The following ZNF892 variants were observed in gnomAD, a reference collection of about 807,000 sequenced individuals.
ZNF892 encodes zinc finger protein 570-like.
chr2:95,246,068 G>C, the ZNF892 span, among the ~76,000 whole-genome samples: 1,705 of 152,192 alleles, frequency 0.011, 17 homozygotes, highest in Non-Finnish European at 0.018. Flanking sequence ...AACAAAAAAA[G>C]AAATTTCAAG....
chr2:95,256,007 C>T, the ZNF892 span, among the ~76,000 whole-genome samples: 38 of 152,166 alleles, frequency 2.5e-4, no homozygotes, highest in Non-Finnish European at 2.8e-4. Flanking sequence ...GAATACAGCA[C>T]GCTGATGGGT....
At chr2:95,243,507 G>A in the ZNF892 span, among the ~76,000 whole-genome samples, 5 of 150,374 alleles carry the variant, frequency 3.3e-5, no homozygotes, top group Admixed American at 6.6e-5. Flanking sequence ...CTGCCGCCCC[G>A]TCCGGGATGT....
At chr2:95,225,916 A>C in the ZNF892 span, among the ~76,000 whole-genome samples, 2 of 152,216 alleles carry the variant, frequency 1.3e-5, no homozygotes, top group Admixed American at 6.5e-5. Flanking sequence ...AAAAGAGAGG[A>C]GATCCTAAGC....
At chr2:95,257,549 C>T in the ZNF892 span, among the ~76,000 whole-genome samples, 1 of 152,308 alleles carries the variant, frequency 6.6e-6, no homozygotes, top group African/African-American at 2.4e-5. Flanking sequence ...TCTGTGCATT[C>T]TCGGATCTCC....
the ZNF892 span, among the ~76,000 whole-genome samples, chr2:95,228,255 A>G: frequency 2.6e-5 from 4 of 151,742 alleles, no homozygotes; most frequent in African/African-American, 7.2e-5. Context: ...AAATCTACAC[A>G]TGTGTGATTT....
the ZNF892 span, among the ~76,000 whole-genome samples, chr2:95,248,922 T>C: frequency 2.0e-5 from 3 of 151,934 alleles, no homozygotes; most frequent in Non-Finnish European, 4.4e-5. Flanking sequence ...AAAAACACAT[T>C]CTACTTTTTT....
At chr2:95,207,386 G>A in the ZNF892 span, 1 of 156,906 alleles carries the variant, frequency 6.4e-6, no homozygotes, top group Non-Finnish European at 1.4e-5. Context: ...GCTGGTCAGC[G>A]CTCCTCCAGG....
the ZNF892 span, among the ~76,000 whole-genome samples, chr2:95,236,996 A>G: frequency 6.6e-6 from 1 of 152,128 alleles, no homozygotes; most frequent in Non-Finnish European, 1.5e-5. Context: ...TACAAATGGA[A>G]GGTTTGTGGC....
chr2:95,233,629 C>T, the ZNF892 span, among the ~76,000 whole-genome samples: 4 of 145,140 alleles, frequency 2.8e-5, no homozygotes, highest in Admixed American at 7.0e-5. Flanking sequence ...GCTGAGATCG[C>T]GCCACTGCAC....
the ZNF892 span, among the ~76,000 whole-genome samples, chr2:95,222,595 T>A: frequency 6.6e-6 from 1 of 152,256 alleles, no homozygotes; most frequent in African/African-American, 2.4e-5. Context: ...TGAGCATCTT[T>A]TCGTGTGCTT....
chr2:95,225,409 C>T, the ZNF892 span, among the ~76,000 whole-genome samples: 1 of 152,170 alleles, frequency 6.6e-6, no homozygotes, highest in Non-Finnish European at 1.5e-5. Flanking sequence ...TGAGGCCCTC[C>T]TTGCAGCATC....
At chr2:95,233,178 A>G in the ZNF892 span, among the ~76,000 whole-genome samples, 1 of 150,486 alleles carries the variant, frequency 6.6e-6, no homozygotes, top group African/African-American at 2.4e-5. Flanking sequence ...CATACACACC[A>G]GACTTACATT....
At chr2:95,245,422 A>T in the ZNF892 span, among the ~76,000 whole-genome samples, 4 of 53,672 alleles carry the variant, frequency 7.5e-5, no homozygotes, top group African/African-American at 3.2e-4. Flanking sequence ...AATTTTTTGT[A>T]TTTTTTAGTA....
At chr2:95,212,337 G>A in the ZNF892 span, 2 of 398,144 alleles carry the variant, frequency 5.0e-6, no homozygotes, top group African/African-American at 2.1e-5. Flanking sequence ...AAATGCTTGT[G>A]GAGGAGGAGC....
chr2:95,236,360 A>G, the ZNF892 span, among the ~76,000 whole-genome samples: 5 of 152,264 alleles, frequency 3.3e-5, no homozygotes, highest in East Asian at 9.6e-4. Context: ...TGTAAGGTAT[A>G]GATAGCTTAA....
the ZNF892 span, among the ~76,000 whole-genome samples, chr2:95,208,135 A>G: frequency 6.6e-6 from 1 of 152,038 alleles, no homozygotes; most frequent in African/African-American, 2.4e-5. Context: ...GAACTATCCG[A>G]CCCTTTTGGA....
At chr2:95,209,465 C>A in the ZNF892 span, among the ~76,000 whole-genome samples, 1 of 152,132 alleles carries the variant, frequency 6.6e-6, no homozygotes, top group South Asian at 2.1e-4. Flanking sequence ...ATGAAACATG[C>A]CATAGCTGAT....
At chr2:95,214,450 G>T in the ZNF892 span, 4 of 398,408 alleles carry the variant, frequency 1.0e-5, no homozygotes, top group African/African-American at 6.2e-5. Context: ...TCTAGTGAAT[G>T]TGAGGATTCT....
chr2:95,247,211 A>G, the ZNF892 span, among the ~76,000 whole-genome samples: 20 of 152,194 alleles, frequency 1.3e-4, no homozygotes, highest in Admixed American at 5.2e-4. Context: ...TTGCATACCT[A>G]CAGCCATCTG....
Sources: gnomAD v4.1 joint callset for allele counts (sites outside exome capture counted in the v4.1 genomes callset) on GRCh38, gnomAD v4.1.1 for gene constraint, MANE v1.5 for transcripts, NCBI Gene and HGNC (gene_info 2026-07-23, HGNC 2026-07-21) for gene names.